IGF1: variants seen among roughly 807,000 people sequenced by gnomAD.
IGF1 encodes the protein insulin like growth factor 1.
Under a neutral mutation model 13.8 loss-of-function variants are expected in IGF1, and 4 were observed. The ratio of observed to expected loss-of-function variants is 0.29; its 90% confidence interval spans 0.14 to 0.66. The LOEUF is 0.66. Ranked by LOEUF, IGF1 falls within the 30% of genes least tolerant of loss-of-function variation. The pLI is 0.78. For synonymous variants in IGF1, 76 were observed against 72.6 expected, an observed-to-expected ratio of 1.05 and a Z score of -0.23; for missense variants, 124 against 188.5, an observed-to-expected ratio of 0.66 and a Z score of 2.00.
Position 102,402,337 on chromosome 12 carries a change from T to C in IGF1, c.*170A>G. 1.4e-6 allele frequency: 1 copy of C among 699,896 alleles called. No homozygotes were observed. The highest frequency in any genetic ancestry group is 2.6e-6 in the Non-Finnish European group (1 of 379,402). 43.4% of individuals were successfully genotyped at this position (699,896 alleles called of 1,614,324 possible). On this transcript the variant is annotated 3_prime_UTR_variant, in exon 4 of 4. Transcript: ENST00000337514. Reference sequence around the variant, plus strand: ...ATTTTTGCAAGGTGCAAATCACTCCTAAAGACAATGTTGGAATGTTTACTT... The same window carrying C: ...ATTTTTGCAAGGTGCAAATCACTCCCAAAGACAATGTTGGAATGTTTACTT...
At chr12:102,454,591 A>G (rs1241690723) in intron 2 of IGF1, among the ~76,000 whole-genome samples, 1 of 152,250 alleles carries the variant, frequency 6.6e-6, no homozygotes, top group African/African-American at 2.4e-5. Context: ...GACACTCTCC[A>G]TGAAGCTCCC....
At chr12:102,436,354 G>A (rs1172956915) in intron 2 of IGF1, among the ~76,000 whole-genome samples, 1 of 152,180 alleles carries the variant, frequency 6.6e-6, no homozygotes. Flanking sequence ...ATTGAAAGCT[G>A]CCTTTTCTAA....
intron 2 of IGF1, among the ~76,000 whole-genome samples, chr12:102,448,878 C>A (rs578250436): frequency 1.6e-3 from 238 of 151,966 alleles, no homozygotes; most frequent in Non-Finnish European, 1.2e-3. Context: ...GAATGGTGAT[C>A]ATTAAAAAGT....
chr12:102,402,722 T>C, intron 3 of IGF1, 156 bp from the exon 4 acceptor site: 1 of 677,600 alleles, frequency 1.5e-6, no homozygotes, highest in Non-Finnish European at 2.7e-6. Flanking sequence ...CATGTATAGG[T>C]GGACAGGCCC....
chr12:102,425,367 G>A (rs191572266), intron 2 of IGF1, among the ~76,000 whole-genome samples: 56 of 152,238 alleles, frequency 3.7e-4, no homozygotes, highest in Non-Finnish European at 6.6e-4. Context: ...GCCAGTGTTT[G>A]CTGGTCTCAC....
chr12:102,407,080 T>A (rs1281020150), intron 3 of IGF1, among the ~76,000 whole-genome samples: 3 of 89,400 alleles, frequency 3.4e-5, no homozygotes, highest in African/African-American at 4.2e-5. Flanking sequence ...GGCGACAGAG[T>A]AAAACTCTGT....
Position 102,397,296 on chromosome 12 carries a change from A to T in IGF1, c.*5211T>A, listed in dbSNP as rs1282494687. ...AGTTTCAGCTTGGTCAGCCCTCTAT[A>T]AAATTCTGAGGCAGATACTAAAATA... On this transcript the variant is annotated 3_prime_UTR_variant, in exon 4 of 4. Transcript: ENST00000337514. 6.5e-6 allele frequency: 1 copy of T among 152,680 alleles called. No individual in the cohort carries two copies. The highest frequency in any genetic ancestry group is 1.5e-5 in the Non-Finnish European group (1 of 68,428). 9.5% of individuals were successfully genotyped at this position (152,680 alleles called of 1,614,324 possible).
intron 2 of IGF1, among the ~76,000 whole-genome samples, chr12:102,461,522 G>A (rs1271982633): frequency 6.7e-6 from 1 of 150,182 alleles, no homozygotes; most frequent in Non-Finnish European, 1.5e-5. Flanking sequence ...TTTGATATGA[G>A]TAAAACACAC....
At chr12:102,465,638 T>C (rs1220168646) in intron 2 of IGF1, among the ~76,000 whole-genome samples, 1 of 152,196 alleles carries the variant, frequency 6.6e-6, no homozygotes, top group Non-Finnish European at 1.5e-5. Flanking sequence ...CCACATATGT[T>C]AAGGTCAAAG....
intron 2 of IGF1, 152 bp from the exon 3 acceptor site, chr12:102,419,842 C>A: frequency 1.3e-6 from 1 of 745,298 alleles, no homozygotes; most frequent in Non-Finnish European, 2.3e-6. Flanking sequence ...ATTCCTGACC[C>A]CACGTATCTT....
intron 3 of IGF1, among the ~76,000 whole-genome samples, chr12:102,416,444 T>G (rs1875147907): frequency 6.6e-6 from 1 of 152,214 alleles, no homozygotes; most frequent in Non-Finnish European, 1.5e-5. Context: ...TTGCTCTCAT[T>G]CTCTCCCTTC....
At chr12:102,466,468 G>T (rs895453514) in intron 2 of IGF1, among the ~76,000 whole-genome samples, 3 of 152,174 alleles carry the variant, frequency 2.0e-5, no homozygotes, top group African/African-American at 7.2e-5. Flanking sequence ...TATGTTACTA[G>T]TTATCGTATA....
In IGF1 at chr12:102,477,060, A is replaced by T. The variant is rs183140721; in HGVS notation, c.64-1261T>A. Among the ~76,000 whole-genome samples, 307 of 152,224 alleles carry T rather than the reference A, an allele frequency of 2.0e-3. 2 individuals carry two copies. Among genetic ancestry groups the T allele is most frequent in the African/African-American group, 6.9e-3 (287 of 41,534 alleles). On this transcript the variant is annotated intron_variant, in intron 1 of 3. Transcript: ENST00000337514. ...GTTGTGGAGTCATGCTGGAAGCTAT[A>T]ATTATAAGAAGAGCATTTTTTTTGA...
intron 3 of IGF1, among the ~76,000 whole-genome samples, chr12:102,404,424 C>T (rs952559286): frequency 9.2e-5 from 14 of 152,274 alleles, no homozygotes; most frequent in Admixed American, 2.6e-4. Context: ...ACATGTTTTC[C>T]GGTTCTACTT....
Position 102,441,157 on chromosome 12 carries a change from G to A in IGF1, c.221-21467C>T, listed in dbSNP as rs1877680041. Among the ~76,000 whole-genome samples the A allele has an allele frequency of 1.3e-5, 2 of 152,214 alleles. 1 individual carries two copies. The highest frequency in any genetic ancestry group is 4.1e-4 in the South Asian group (2 of 4,834). On this transcript the variant is annotated intron_variant, in intron 2 of 3. Transcript: ENST00000337514. Reference sequence around the variant, plus strand: ...TTTCTAAAAGCTCTATTATACATCAGTGTCTCTGAAACCAAAGTCAATCTT... The same window carrying A: ...TTTCTAAAAGCTCTATTATACATCAATGTCTCTGAAACCAAAGTCAATCTT...
chr12:102,464,687 G>C (rs571154238), intron 2 of IGF1, among the ~76,000 whole-genome samples: 2 of 152,032 alleles, frequency 1.3e-5, no homozygotes, highest in East Asian at 3.9e-4. Flanking sequence ...CAGGGTCACT[G>C]GTCCATATGG....
At chr12:102,463,937 C>G (rs975228499) in intron 2 of IGF1, among the ~76,000 whole-genome samples, 2 of 152,188 alleles carry the variant, frequency 1.3e-5, no homozygotes, top group African/African-American at 4.8e-5. Flanking sequence ...AGTGAGAGCA[C>G]TGGATCAGAT....
In IGF1 at chr12:102,414,762, C is replaced by G. The variant is rs142536223; in HGVS notation, c.402+4747G>C. Among the ~76,000 whole-genome samples the G allele has an allele frequency of 2.0e-5, 3 of 152,294 alleles. No individual in the cohort carries two copies. In the East Asian group the frequency reaches 5.8e-4, roughly 29 times the overall value. On this transcript the variant is annotated intron_variant, in intron 3 of 3. Transcript: ENST00000337514. Reference sequence around the variant, plus strand: ...TTTAGCCTCTCCAATGCTTATAACTCTTGTTCATGCCTAGTACAGAGGTTT... The same window carrying G: ...TTTAGCCTCTCCAATGCTTATAACTGTTGTTCATGCCTAGTACAGAGGTTT...
chr12:102,417,975 G>T lies in IGF1; in HGVS notation c.402+1534C>A, dbSNP rs369105057. The T allele has an allele frequency of 6.2e-6, 10 of 1,612,642 alleles. 2 individuals carry two copies. The South Asian group carries it at 1.1e-4, about 18-fold the overall frequency. On this transcript the variant is annotated intron_variant, in intron 3 of 3. Coordinates refer to ENST00000337514, the MANE Select transcript of IGF1 (RefSeq NM_000618.5). ...CCAACCTTTCCTTCTCTGAGACTTC[G>T]TGTTCTTGTTGGTAGATGGGGGCTG...
Sources: allele counts gnomAD v4.1 joint callset (sites outside exome capture counted in the v4.1 genomes callset), GRCh38; gene constraint gnomAD v4.1.1; transcripts MANE v1.5; gene names NCBI Gene and HGNC (gene_info 2026-07-23, HGNC 2026-07-21).